GALNT7: variants seen among roughly 807,000 people sequenced by gnomAD.
GALNT7 encodes N-acetylgalactosaminyltransferase 7.
GALNT7 carries 60 observed loss-of-function variants against 82.1 expected under a neutral mutation model. That is an observed-to-expected ratio of 0.73 (90% CI 0.59 to 0.91). GALNT7 has a LOEUF of 0.91. Ranked by LOEUF, GALNT7 falls within the 40% of genes least tolerant of loss-of-function variation. The probability of loss-of-function intolerance (pLI) is 0.00; values close to 1 mark genes in which losing one functional copy is unlikely to be tolerated. For missense variants in GALNT7, 660 were observed against 804.2 expected, an observed-to-expected ratio of 0.82 and a Z score of 2.17; for synonymous variants, 243 against 275.1, an observed-to-expected ratio of 0.88 and a Z score of 1.15.
At chr4:173,169,405 G>A (rs1013884750) in intron 1 of GALNT7, 10 of 151,444 alleles carry the variant, frequency 6.6e-5, no homozygotes, top group Admixed American at 5.9e-4. Context: ...GCCTGAAGGA[G>A]GCGAGATGCC....
chr4:173,290,245 G>A (rs1415702370), intron 2 of GALNT7, among the ~76,000 whole-genome samples: 1 of 151,640 alleles, frequency 6.6e-6, no homozygotes, highest in Non-Finnish European at 1.5e-5. Flanking sequence ...GTAGACTATG[G>A]AACAGCCATA....
In GALNT7 at chr4:173,168,909, G is replaced by C; in HGVS notation, c.74G>C (p.Trp25Ser). The C allele has an allele frequency of 6.2e-7, 1 of 1,613,796 alleles. No individual in the cohort carries two copies. Among genetic ancestry groups the C allele is most frequent in the South Asian group, 1.1e-5 (1 of 91,074 alleles). ...AGCTTCCTGGGGCTAGTGGTCCTCT[G>C]GTCTTCCCTGACCCCGCGGCCGGAC... ...VGSFLGLVVLWSSLTPRPDDP... is the reference protein window; with the variant it reads ...VGSFLGLVVLSSSLTPRPDDP... The change falls in exon 1 of 12, where the codon TGG (tryptophan) becomes TCG (serine). Residue 25 changes from tryptophan (W) to serine (S), a missense_variant. Trp to Ser is a radical substitution (Grantham distance 177). Coordinates refer to ENST00000265000, the MANE Select transcript of GALNT7 (RefSeq NM_017423.3).
At position 173,318,444 on chromosome 4, in the gene GALNT7, A is replaced by G. The variant is rs369228458; in HGVS notation, c.1721A>G (p.Asn574Ser). The G allele has an allele frequency of 8.7e-6, 14 of 1,604,198 alleles. No individual in the cohort carries two copies. The highest frequency in any genetic ancestry group is 2.7e-5 in the African/African-American group (2 of 74,472). Residue 574 changes from asparagine to serine, a missense_variant, in exon 11 of 12, where the codon AAT (asparagine) becomes AGT (serine). Physicochemically the swap from Asn to Ser is conservative, Grantham distance 46. Transcript: ENST00000265000. ...RMGGNQLFRINEANQLMQYDQ... is the reference protein window; with the variant it reads ...RMGGNQLFRISEANQLMQYDQ... The stretch of plus-strand genomic sequence containing the variant: ...TTCCTTTTACAGCTTTTCAGAATCA[A>G]TGAAGCAAATCAACTCATGCAGTAT...
At chr4:173,280,406 T>C (rs189903263) in intron 2 of GALNT7, among the ~76,000 whole-genome samples, 1 of 152,176 alleles carries the variant, frequency 6.6e-6, no homozygotes, top group East Asian at 1.9e-4. Flanking sequence ...ATTTCATTTT[T>C]ATTTTTGAAA....
At chr4:173,204,065 T>C (rs1008815775) in intron 1 of GALNT7, among the ~76,000 whole-genome samples, 1 of 152,200 alleles carries the variant, frequency 6.6e-6, no homozygotes, top group African/African-American at 2.4e-5. Context: ...GCAAGTCTTT[T>C]ATCTCTCCTT....
chr4:173,215,159 A>G (rs1314900621), intron 1 of GALNT7, among the ~76,000 whole-genome samples: 2 of 152,120 alleles, frequency 1.3e-5, no homozygotes, highest in African/African-American at 4.8e-5. Flanking sequence ...AAGTTAGTTG[A>G]AAGAACAAAT....
intron 1 of GALNT7, among the ~76,000 whole-genome samples, chr4:173,189,632 T>G (rs1732563643): frequency 6.6e-6 from 1 of 152,252 alleles, no homozygotes; most frequent in South Asian, 2.1e-4. Context: ...ATTAAATTAG[T>G]CTAATAAAAG....
At chr4:173,225,849 A>C (rs1342861344) in intron 1 of GALNT7, among the ~76,000 whole-genome samples, 2 of 152,184 alleles carry the variant, frequency 1.3e-5, no homozygotes, top group African/African-American at 4.8e-5. Context: ...GAGGAGATGC[A>C]ACCACAACCA....
chr4:173,271,435 CTGTT>C (rs111756974), intron 2 of GALNT7, among the ~76,000 whole-genome samples: 8,931 of 151,942 alleles, frequency 0.059, 787 homozygotes, highest in African/African-American at 0.19. Context: ...TTATGTTAAA[CTGTT>C]TGTTTGTTTG....
intron 3 of GALNT7, among the ~76,000 whole-genome samples, chr4:173,294,653 G>A (rs923804500): frequency 2.6e-5 from 4 of 152,188 alleles, no homozygotes; most frequent in African/African-American, 9.6e-5. Flanking sequence ...AATTTCATGG[G>A]CTCATAGTGA....
At position 173,321,711 on chromosome 4, in the gene GALNT7, T is replaced by C; in HGVS notation, c.1968T>C (p.Ser656=). 3 of 1,606,602 alleles carry C rather than the reference T, an allele frequency of 1.9e-6. No homozygotes were observed. The highest frequency in any genetic ancestry group is 2.6e-6 in the Non-Finnish European group (3 of 1,173,990). The change falls in exon 12 of 12, where the codon AGT becomes AGC. Residue 656 remains serine, a synonymous_variant. Coordinates refer to ENST00000265000, the MANE Select transcript of GALNT7 (RefSeq NM_017423.3). ...AATGGGAAATGAATAACATCCATAG[T>C]GTTTAGAGAGAAAAAAATAAACCAA... ...TQKWEMNNIH[S]V is the part of the protein sequence containing the mutation.
intron 8 of GALNT7, 92 bp downstream of exon 8, chr4:173,304,210 T>C: frequency 1.9e-6 from 2 of 1,049,596 alleles, no homozygotes; most frequent in South Asian, 1.6e-5. Context: ...GCTTATTGAG[T>C]GGGCTCTTCA....
intron 8 of GALNT7, among the ~76,000 whole-genome samples, chr4:173,309,888 A>G (rs998191699): frequency 1.3e-5 from 2 of 152,200 alleles, no homozygotes; most frequent in African/African-American, 2.4e-5. Context: ...GGACTCAACA[A>G]TCACGAAGAA....
intron 2 of GALNT7, among the ~76,000 whole-genome samples, chr4:173,283,057 T>A (rs1017755301): frequency 1.3e-5 from 2 of 152,154 alleles, no homozygotes; most frequent in African/African-American, 4.8e-5. Context: ...GGCTGGTTGG[T>A]TTACAGGAAT....
chr4:173,290,795 A>G (rs1736504188), intron 2 of GALNT7, among the ~76,000 whole-genome samples: 1 of 152,206 alleles, frequency 6.6e-6, no homozygotes, highest in Non-Finnish European at 1.5e-5. Flanking sequence ...TTTCTAAACT[A>G]TACATTGGTG....
At chr4:173,264,167 C>T (rs1452657550) in intron 2 of GALNT7, among the ~76,000 whole-genome samples, 1 of 152,102 alleles carries the variant, frequency 6.6e-6, no homozygotes, top group East Asian at 1.9e-4. Flanking sequence ...AAAATATCTG[C>T]TATATGATAC....
At chr4:173,185,116 G>A (rs960769108) in intron 1 of GALNT7, among the ~76,000 whole-genome samples, 6 of 152,150 alleles carry the variant, frequency 3.9e-5, no homozygotes, top group Non-Finnish European at 7.4e-5. Flanking sequence ...AACCAAAAAA[G>A]TAAAAAAGCA....
chr4:173,244,972 T>G (rs1056019289), intron 1 of GALNT7, among the ~76,000 whole-genome samples: 5 of 152,134 alleles, frequency 3.3e-5, no homozygotes, highest in East Asian at 3.8e-4. Context: ...GTTTTTGGTA[T>G]GTTAAATTTA....
intron 1 of GALNT7, among the ~76,000 whole-genome samples, chr4:173,227,752 G>A (rs562984245): frequency 2.6e-4 from 39 of 152,194 alleles, no homozygotes; most frequent in Non-Finnish European, 3.4e-4. Context: ...TTGCTTTTAA[G>A]TGATGGATAA....
Sources: allele counts gnomAD v4.1 joint callset (sites outside exome capture counted in the v4.1 genomes callset), GRCh38; gene constraint gnomAD v4.1.1; transcripts MANE v1.5; gene names NCBI Gene and HGNC (gene_info 2026-07-23, HGNC 2026-07-21).